Variants in CEP112 observed in about 807,000 individuals in gnomAD.
CEP112 encodes centrosomal protein 112, also known as centrosomal protein of 112 kDa.
Under a neutral mutation model 153.0 loss-of-function variants are expected in CEP112, and 127 were observed. The observed-to-expected ratio is 0.83, with a 90% confidence interval of 0.72 to 0.96. The LOEUF (loss-of-function observed/expected upper bound fraction) is 0.96, where lower values mean the gene tolerates loss of function less well. Among genes scored for constraint, CEP112 ranks in the 40% least tolerant of loss-of-function variants. The pLI is 0.00. For missense variants in CEP112, 1,089 were observed against 1,101.2 expected, an observed-to-expected ratio of 0.99 and a Z score of 0.16; for synonymous variants, 358 against 374.4, an observed-to-expected ratio of 0.96 and a Z score of 0.51.
chr17:66,111,401 G>A (rs1161914471), intron 6 of CEP112, among the ~76,000 whole-genome samples: 6 of 152,104 alleles, frequency 3.9e-5, no homozygotes, highest in African/African-American at 9.7e-5. Context: ...AGAGACACAC[G>A]CGAATGTTCA....
rs2144756309 is a variant in CEP112, at chr17:65,714,388, A to C, written c.2608-25170T>G. ...AAAGTCAACACTACATATTTTATGGATCTTATTAGTTTTGGATCCATATGA... is the reference window on the plus strand; with the variant it reads ...AAAGTCAACACTACATATTTTATGGCTCTTATTAGTTTTGGATCCATATGA... On this transcript the variant is annotated intron_variant, in intron 23 of 26. Coordinates refer to ENST00000535342, the MANE Select transcript of CEP112 (RefSeq NM_001199165.4). Among the ~76,000 whole-genome samples, 2 of 151,930 alleles carry C rather than the reference A, an allele frequency of 1.3e-5. 1 individual carries two copies. The highest frequency in any genetic ancestry group is 4.2e-4 in the South Asian group (2 of 4,786).
intron 21 of CEP112, among the ~76,000 whole-genome samples, chr17:65,808,769 T>C (rs2055768651): frequency 6.6e-6 from 1 of 152,176 alleles, no homozygotes; most frequent in Admixed American, 6.5e-5. Context: ...CCTGCAGAAC[T>C]GTGGCCTCCC....
At chr17:66,110,698 C>CA (rs1425307577) in intron 6 of CEP112, among the ~76,000 whole-genome samples, 7 of 146,544 alleles carry the variant, frequency 4.8e-5, no homozygotes, top group East Asian at 2.0e-4. Flanking sequence ...AGCATAAATA[C>CA]AAAAAATCAA....
intron 18 of CEP112, among the ~76,000 whole-genome samples, chr17:65,951,472 T>C (rs915876316): frequency 1.3e-5 from 2 of 152,124 alleles, no homozygotes; most frequent in African/African-American, 2.4e-5. Context: ...CTCTAGAAAT[T>C]TGTCCATTTA....
intron 20 of CEP112, among the ~76,000 whole-genome samples, chr17:65,869,579 CTTTT>C (rs55675305): frequency 1.7e-5 from 2 of 120,240 alleles, no homozygotes; most frequent in Non-Finnish European, 1.7e-5. Context: ...GATAAACTTT[CTTTT>C]TTTTTTTTTT....
At chr17:66,177,972 A>G (rs1322655129) in intron 2 of CEP112, among the ~76,000 whole-genome samples, 1 of 152,144 alleles carries the variant, frequency 6.6e-6, no homozygotes, top group Non-Finnish European at 1.5e-5. Context: ...GTTGATGGAC[A>G]CTTAGGTTGC....
At chr17:65,746,217 G>A (rs1405900545) in intron 22 of CEP112, among the ~76,000 whole-genome samples, 1 of 150,134 alleles carries the variant, frequency 6.7e-6, no homozygotes, top group African/African-American at 2.5e-5. Context: ...TGCAGGTTTT[G>A]GAAAGGACTA....
chr17:66,141,517 T>A (rs2070699007), intron 4 of CEP112, among the ~76,000 whole-genome samples: 1 of 152,230 alleles, frequency 6.6e-6, no homozygotes, highest in Non-Finnish European at 1.5e-5. Context: ...TAGAACGTTT[T>A]CATCTTCTGT....
At chr17:65,695,467 T>C (rs1168321648) in intron 23 of CEP112, among the ~76,000 whole-genome samples, 2 of 152,192 alleles carry the variant, frequency 1.3e-5, no homozygotes, top group Non-Finnish European at 2.9e-5. Context: ...CTCCTTAACT[T>C]GTAAAACCAC....
chr17:65,751,312 A>G (rs904190837), intron 21 of CEP112, among the ~76,000 whole-genome samples: 1 of 152,184 alleles, frequency 6.6e-6, no homozygotes, highest in East Asian at 1.9e-4. Context: ...CAATCAGTCC[A>G]CATTGCTTAG....
chr17:65,768,063 C>A (rs1198694652), intron 21 of CEP112, among the ~76,000 whole-genome samples: 2 of 152,026 alleles, frequency 1.3e-5, no homozygotes, highest in Non-Finnish European at 2.9e-5. Flanking sequence ...CAAATGCAGT[C>A]AAAAATCTGC....
rs760615774 is a variant in CEP112 at position 65,902,354 on chromosome 17, G to A, written c.1981-20C>T. The A allele has an allele frequency of 6.3e-7, 1 of 1,599,700 alleles. No homozygotes were observed. Among genetic ancestry groups the A allele is most frequent in the Non-Finnish European group, 8.5e-7 (1 of 1,172,698 alleles). On this transcript the variant is annotated intron_variant, in intron 19 of 26. Transcript: ENST00000535342. ...TACTATCTGATTGGACAATGAGGAG[G>A]ACAGTTCATCAACAGAACATCCTTG... is the stretch of plus-strand genomic sequence containing the variant.
intron 21 of CEP112, among the ~76,000 whole-genome samples, chr17:65,812,373 C>T (rs2056025337): frequency 6.6e-6 from 1 of 152,146 alleles, no homozygotes; most frequent in Non-Finnish European, 1.5e-5. Context: ...GATATTTCTC[C>T]AGGATATTTA....
chr17:66,066,947 ATATAT>A lies in CEP112; in HGVS notation c.856-75_856-71del, dbSNP rs1348692839. 3 of 951,754 alleles carry A rather than the reference ATATAT, an allele frequency of 3.2e-6. No homozygotes were observed. The Admixed American group carries it at 1.1e-4, about 36-fold the overall frequency. 59.0% of individuals were successfully genotyped at this position (951,754 alleles called of 1,614,324 possible). ...ATATAGGACACTTTTTTGAATCCTG[ATATAT>A]TTAATTCTAAAACATAAATAGAAAA... On this transcript the variant is annotated intron_variant, in intron 9 of 26. Coordinates refer to ENST00000535342, the MANE Select transcript of CEP112 (RefSeq NM_001199165.4).
intron 20 of CEP112, among the ~76,000 whole-genome samples, chr17:65,874,842 T>G (rs1051000396): frequency 2.0e-5 from 3 of 152,112 alleles, no homozygotes; most frequent in African/African-American, 2.4e-5. Flanking sequence ...ATTCTCTATA[T>G]TGACAAAACT....
At chr17:65,733,550 C>T (rs187301684) in intron 23 of CEP112, among the ~76,000 whole-genome samples, 5 of 152,160 alleles carry the variant, frequency 3.3e-5, no homozygotes, top group Admixed American at 6.5e-5. Flanking sequence ...ATATACAAGG[C>T]GCACGATATT....
intron 16 of CEP112, among the ~76,000 whole-genome samples, 176 bp downstream of exon 16, chr17:66,027,325 C>T (rs958457280): frequency 3.3e-5 from 5 of 151,812 alleles, no homozygotes; most frequent in African/African-American, 7.3e-5. Context: ...TACAGTGAGC[C>T]GAGATCGTGC....
chr17:66,077,130 C>CA (rs2146136945), intron 8 of CEP112, among the ~76,000 whole-genome samples: 1 of 152,234 alleles, frequency 6.6e-6, no homozygotes, highest in African/African-American at 2.4e-5. Context: ...GATAATATGA[C>CA]AAAACAAGGC....
rs370751280 is a variant in CEP112 at position 66,009,779 on chromosome 17, G to T, written c.1657-4010C>A. On this transcript the variant is annotated intron_variant, in intron 16 of 26. Coordinates refer to ENST00000535342, the MANE Select transcript of CEP112 (RefSeq NM_001199165.4). Reference sequence around the variant, plus strand: ...CTGAAGATCACACAGTTGAAGGTACGCAGCCTTATTTCTGGGTTCTCTATT... The same window carrying T: ...CTGAAGATCACACAGTTGAAGGTACTCAGCCTTATTTCTGGGTTCTCTATT... Among the ~76,000 whole-genome samples the T allele has an allele frequency of 1.4e-3, 210 of 152,180 alleles. 6 individuals are homozygous for T. The South Asian group carries it at 0.042, about 30-fold the overall frequency.
Sources: allele counts gnomAD v4.1 joint callset (sites outside exome capture counted in the v4.1 genomes callset), GRCh38; gene constraint gnomAD v4.1.1; transcripts MANE v1.5; gene names NCBI Gene and HGNC (gene_info 2026-07-23, HGNC 2026-07-21).